HERC3: variants seen among roughly 807,000 people sequenced by gnomAD.
The protein encoded by HERC3 is HECT and RLD domain containing E3 ubiquitin protein ligase 3, also known as probable E3 ubiquitin-protein ligase HERC3.
Under a neutral mutation model 129.9 loss-of-function variants are expected in HERC3, and 58 were observed. The ratio of observed to expected loss-of-function variants is 0.45; its 90% CI spans 0.36 to 0.56. The LOEUF is 0.56. Ranked by LOEUF, HERC3 falls within the 20% of genes least tolerant of loss-of-function variation. The probability of loss-of-function intolerance (pLI) is 0.00; values close to 1 mark genes in which losing one functional copy is unlikely to be tolerated. For synonymous variants in HERC3, 430 were observed against 451.0 expected (o/e 0.95, Z 0.59); for missense variants, 835 against 1,244.2 (o/e 0.67, Z 4.95).
At chr4:88,619,320 T>G (rs1725259664) in intron 3 of HERC3, among the ~76,000 whole-genome samples, 1 of 152,234 alleles carries the variant, frequency 6.6e-6, no homozygotes, top group African/African-American at 2.4e-5. Context: ...AATTTATTTC[T>G]GGTCAAGACT....
chr4:88,671,128 A>G (rs927959913), intron 16 of HERC3, among the ~76,000 whole-genome samples: 1 of 152,108 alleles, frequency 6.6e-6, no homozygotes, highest in Non-Finnish European at 1.5e-5. Context: ...GCTCCTTTTG[A>G]TAGCACACCA....
At chr4:88,699,864 A>T (rs771614688) in intron 23 of HERC3, among the ~76,000 whole-genome samples, 1 of 152,222 alleles carries the variant, frequency 6.6e-6, no homozygotes, top group Non-Finnish European at 1.5e-5. Context: ...TCATTTACAT[A>T]ACAGTAAAAT....
At chr4:88,584,105 G>A in the HERC3 span, 1 of 152,222 alleles carries the variant, frequency 6.6e-6, no homozygotes, top group South Asian at 2.1e-4. Context: ...AAGGCTAGAA[G>A]TTTGAAATCA....
At chr4:88,641,474 A>G (rs1728083545) in intron 3 of HERC3, among the ~76,000 whole-genome samples, 1 of 152,244 alleles carries the variant, frequency 6.6e-6, no homozygotes, top group African/African-American at 2.4e-5. Context: ...AATTAGTGTT[A>G]TTGAAGATAG....
At chr4:88,531,176 ATTTTTTAAATTTTTAAAATTTAAAAT>A in the HERC3 span, among the ~76,000 whole-genome samples, 213 of 151,822 alleles carry the variant, frequency 1.4e-3, 1 homozygote, top group African/African-American at 4.7e-3. Flanking sequence ...ATTTTTAAAA[ATTTTTTAAATTTTTAAAATTTAAAAT>A]TTTTTTAAAA....
the HERC3 span, among the ~76,000 whole-genome samples, chr4:88,564,218 A>G: frequency 6.6e-6 from 1 of 152,142 alleles, no homozygotes; most frequent in Non-Finnish European, 1.5e-5. Flanking sequence ...TTTTTACATC[A>G]AGGTTCATCA....
chr4:88,548,170 CA>C, the HERC3 span, among the ~76,000 whole-genome samples: 3 of 152,230 alleles, frequency 2.0e-5, no homozygotes, highest in Non-Finnish European at 4.4e-5. Flanking sequence ...CATTTGTGAA[CA>C]AATTTCTGTA....
At chr4:88,589,155 T>A (rs1020616981), upstream of HERC3, among the ~76,000 whole-genome samples, 1 of 152,122 alleles carries the variant, frequency 6.6e-6, no homozygotes, top group Non-Finnish European at 1.5e-5. Flanking sequence ...AGTGGTGCCA[T>A]CAAAGCTCAA....
intron 3 of HERC3, among the ~76,000 whole-genome samples, chr4:88,622,161 C>T (rs961925422): frequency 1.3e-5 from 2 of 152,194 alleles, no homozygotes; most frequent in Non-Finnish European, 2.9e-5. Flanking sequence ...CCCCTTCAGC[C>T]CTGGACAACC....
At chr4:88,529,448 C>G in the HERC3 span, among the ~76,000 whole-genome samples, 1 of 151,984 alleles carries the variant, frequency 6.6e-6, no homozygotes, top group Non-Finnish European at 1.5e-5. Flanking sequence ...CAGAGCAAGA[C>G]CCTGTCTCTA....
Position 88,653,774 on chromosome 4 carries a change from G to A in HERC3, c.686-268G>A, listed in dbSNP as rs566128546. Among the ~76,000 whole-genome samples, 4 of 152,318 alleles carry A rather than the reference G, an allele frequency of 2.6e-5. No individual in the cohort carries two copies. In the East Asian group the frequency reaches 7.7e-4, roughly 29 times the overall value. On this transcript the variant is annotated intron_variant, in intron 6 of 25. Transcript: ENST00000402738. ...GTTTGAAATAAAGGAACAGCTGGAA[G>A]GGCAAAATGACTGTTTCTGAAATGG...
chr4:88,534,296 A>G, the HERC3 span, among the ~76,000 whole-genome samples: 1 of 152,214 alleles, frequency 6.6e-6, no homozygotes, highest in African/African-American at 2.4e-5. Context: ...GATGGTTACA[A>G]CTGGGGTGGT....
the HERC3 span, among the ~76,000 whole-genome samples, chr4:88,548,573 GTTA>G: frequency 1.3e-5 from 2 of 151,092 alleles, no homozygotes. Flanking sequence ...AGTTCTAAGA[GTTA>G]TTATTGAGTT....
intron 9 of HERC3, 61 bp from the exon 10 acceptor site, chr4:88,658,354 G>C (rs1730137264): frequency 1.1e-6 from 1 of 870,408 alleles, no homozygotes; most frequent in Non-Finnish European, 1.8e-6. Context: ...CAGTAGAAAA[G>C]GGGATCAAGG....
the HERC3 span, among the ~76,000 whole-genome samples, chr4:88,526,450 T>C: frequency 3.9e-5 from 6 of 152,258 alleles, no homozygotes; most frequent in South Asian, 2.1e-4. Flanking sequence ...CTAACATTTA[T>C]CTCTGCTTGA....
the HERC3 span, among the ~76,000 whole-genome samples, chr4:88,563,752 T>C: frequency 0.17 from 25,421 of 151,378 alleles, 4,480 homozygotes; most frequent in African/African-American, 0.45. Context: ...CTCCACCTCC[T>C]GGGTTCAAGC....
chr4:88,529,587 C>T, the HERC3 span, among the ~76,000 whole-genome samples: 4 of 152,120 alleles, frequency 2.6e-5, no homozygotes, highest in Non-Finnish European at 5.9e-5. Context: ...AACCCCGTCT[C>T]TACTAAAAAT....
At chr4:88,554,012 T>C in the HERC3 span, among the ~76,000 whole-genome samples, 6 of 152,090 alleles carry the variant, frequency 3.9e-5, no homozygotes, top group Non-Finnish European at 1.5e-5. Context: ...AAGAAGACCG[T>C]TGGGCAGAAA....
intron 16 of HERC3, among the ~76,000 whole-genome samples, chr4:88,675,315 C>T (rs1732042833): frequency 6.6e-6 from 1 of 152,208 alleles, no homozygotes; most frequent in East Asian, 1.9e-4. Context: ...TCTTTTCTCA[C>T]TACACCTGGA....
Sources: allele counts gnomAD v4.1 joint callset (sites outside exome capture counted in the v4.1 genomes callset), GRCh38; gene constraint gnomAD v4.1.1; transcripts MANE v1.5; gene names NCBI Gene and HGNC (gene_info 2026-07-23, HGNC 2026-07-21).